The following PADI6 variants were observed in gnomAD, a reference collection of about 807,000 sequenced individuals.
PADI6 encodes inactive protein-arginine deiminase type-6.
Under a neutral mutation model 78.2 loss-of-function variants are expected in PADI6, and 66 were observed. The ratio of observed to expected loss-of-function variants is 0.84; its 90% CI spans 0.69 to 1.04. The LOEUF (loss-of-function observed/expected upper bound fraction) is 1.04, where lower values mean the gene tolerates loss of function less well. Among genes scored for constraint, PADI6 ranks in the 50% least tolerant of loss-of-function variants. The pLI, the probability that PADI6 is intolerant of heterozygous loss-of-function variation, is 0.00. For synonymous variants in PADI6, 397 were observed against 346.9 expected (o/e 1.14, Z -1.60); for missense variants, 854 against 866.1 (o/e 0.99, Z 0.18).
At position 17,375,756 on chromosome 1, in the gene PADI6, G is replaced by A. The variant is rs1275599627; in HGVS notation, c.367+257G>A. Among the ~76,000 whole-genome samples the A allele has an allele frequency of 1.1e-4, 16 of 152,192 alleles. No homozygotes were observed. In the East Asian group the frequency reaches 1.7e-3, roughly 17 times the overall value. On this transcript the variant is annotated intron_variant, in intron 3 of 15. Coordinates refer to ENST00000619609, the MANE Select transcript of PADI6 (RefSeq NM_207421.4). ...GAGAATAGAAACAGCCAGAACTTCC[G>A]TGTCGCTGCCATCTACCCACCTACG...
In PADI6 at chr1:17,372,196, GGGCGTCTGA is replaced by G. The variant is rs775296654; in HGVS notation, c.-46_-38del. 2 of 1,524,580 alleles carry G rather than the reference GGGCGTCTGA, an allele frequency of 1.3e-6. No homozygotes were observed. Among genetic ancestry groups the G allele is most frequent in the Non-Finnish European group, 9.1e-7 (1 of 1,099,088 alleles). 94.4% of individuals were successfully genotyped at this position (1,524,580 alleles called of 1,614,324 possible). On this transcript the variant is annotated 5_prime_UTR_variant, in exon 1 of 16. Coordinates refer to ENST00000619609, the MANE Select transcript of PADI6 (RefSeq NM_207421.4). Reference sequence around the variant, plus strand: ...ACAGGGAAGGGCAGGGTGAGCCCTGGGGCGTCTGAGGCTGCTGTGCTGAGTGAGGGCTGC... The same window carrying G: ...ACAGGGAAGGGCAGGGTGAGCCCTGGGGCTGCTGTGCTGAGTGAGGGCTGC...
chr1:17,384,413 G>C (rs1353135465), intron 6 of PADI6, among the ~76,000 whole-genome samples: 1 of 152,172 alleles, frequency 6.6e-6, no homozygotes, highest in African/African-American at 2.4e-5. Context: ...TGGCAACACA[G>C]TGAGACCTTG....
rs780710059 is a variant in PADI6 at position 17,388,412 on chromosome 1, G to A, written c.711G>A (p.Leu237=). The A allele has an allele frequency of 8.7e-6, 14 of 1,613,310 alleles. No homozygotes were observed. Among genetic ancestry groups the A allele is most frequent in the Admixed American group, 8.3e-5 (5 of 59,914 alleles). ...ACTCCAGTACCTTTGAGTTGGTGCT[G>A]GGGCCCGACCAGCACGCCTATACCT... The part of the protein sequence containing the change: ...KDNSSTFELV[L]GPDQHAYTLA... The change falls in exon 7 of 16, where the codon CTG becomes CTA. Residue 237 remains leucine, a synonymous_variant. Transcript: ENST00000619609.
intron 6 of PADI6, among the ~76,000 whole-genome samples, chr1:17,384,632 A>T (rs1171629290): frequency 1.3e-5 from 2 of 152,144 alleles, no homozygotes; most frequent in Non-Finnish European, 2.9e-5. Flanking sequence ...CTAGCTACTC[A>T]GGAGACTGAG....
At chr1:17,380,295 C>T (rs984037438) in intron 4 of PADI6, among the ~76,000 whole-genome samples, 3 of 152,106 alleles carry the variant, frequency 2.0e-5, no homozygotes, top group Non-Finnish European at 1.5e-5. Context: ...CTGTAATCTC[C>T]ACCTCCCAGG....
intron 3 of PADI6, among the ~76,000 whole-genome samples, chr1:17,376,834 A>G (rs2075023485): frequency 6.6e-6 from 1 of 152,062 alleles, no homozygotes; most frequent in Non-Finnish European, 1.5e-5. Context: ...CTACAACACT[A>G]AGTTTTTGGT....
chr1:17,378,440 T>A (rs2075039275), intron 3 of PADI6, among the ~76,000 whole-genome samples: 2 of 152,030 alleles, frequency 1.3e-5, no homozygotes, highest in Non-Finnish European at 2.9e-5. Flanking sequence ...GATATTCCAG[T>A]TGGGAATCAG....
At chr1:17,395,972 G>A (rs1332308986) in intron 13 of PADI6, among the ~76,000 whole-genome samples, 1 of 152,166 alleles carries the variant, frequency 6.6e-6, no homozygotes, top group Non-Finnish European at 1.5e-5. Flanking sequence ...TTTATTCAGG[G>A]CATGTTGGAT....
intron 6 of PADI6, among the ~76,000 whole-genome samples, chr1:17,383,346 C>A (rs957439082): frequency 1.3e-4 from 20 of 152,188 alleles, no homozygotes; most frequent in African/African-American, 4.3e-4. Flanking sequence ...ACGTGGCCAT[C>A]TTACACATGA....
At chr1:17,376,485 G>C (rs2075017930) in intron 3 of PADI6, among the ~76,000 whole-genome samples, 1 of 134,278 alleles carries the variant, frequency 7.4e-6, no homozygotes, top group Non-Finnish European at 1.5e-5. Context: ...TATTTTTAGT[G>C]GGCTAATTTT....
intron 2 of PADI6, 52 bp downstream of exon 2, chr1:17,373,285 C>G: frequency 6.3e-7 from 1 of 1,588,784 alleles, no homozygotes; most frequent in South Asian, 1.1e-5. Context: ...GGACCTAGCA[C>G]AGCCACTGGG....
intron 2 of PADI6, among the ~76,000 whole-genome samples, chr1:17,373,890 G>A (rs1027798650): frequency 4.6e-5 from 7 of 152,108 alleles, no homozygotes; most frequent in Admixed American, 1.3e-4. Context: ...TTGAGCTTGA[G>A]CCCAAGGGTG....
intron 12 of PADI6, 90 bp from the exon 13 acceptor site, chr1:17,395,450 T>A: frequency 6.8e-7 from 1 of 1,469,826 alleles, no homozygotes; most frequent in Non-Finnish European, 9.1e-7. Flanking sequence ...AGGATCTGCC[T>A]GCCTCGGCCT....
intron 8 of PADI6, among the ~76,000 whole-genome samples, chr1:17,389,701 G>A (rs371309016): frequency 6.6e-6 from 1 of 152,188 alleles, no homozygotes; most frequent in Non-Finnish European, 1.5e-5. Flanking sequence ...CAGAACCAGT[G>A]GGAAGCCAAG....
At chr1:17,397,498 G>A (rs1238813740) in intron 14 of PADI6, among the ~76,000 whole-genome samples, 4 of 152,124 alleles carry the variant, frequency 2.6e-5, no homozygotes, top group Non-Finnish European at 4.4e-5. Context: ...TGTCGGGACC[G>A]TTGACAGATA....
At chr1:17,381,016 T>C (rs1477935238) in intron 4 of PADI6, 31 bp from the exon 5 acceptor site, 7 of 1,530,724 alleles carry the variant, frequency 4.6e-6, no homozygotes, top group South Asian at 2.4e-5. Context: ...TTTGGCTCCT[T>C]CCTGAGCCAA....
At chr1:17,389,874 G>A (rs555030470) in intron 8 of PADI6, among the ~76,000 whole-genome samples, 3 of 152,310 alleles carry the variant, frequency 2.0e-5, no homozygotes, top group African/African-American at 7.2e-5. Flanking sequence ...GCTCCACACC[G>A]GCCGCCTCCA....
intron 8 of PADI6, among the ~76,000 whole-genome samples, chr1:17,390,438 A>G (rs2075170809): frequency 6.6e-6 from 1 of 152,128 alleles, no homozygotes; most frequent in Middle Eastern, 3.4e-3. Context: ...CGTCTCTACT[A>G]AAAATACAAA....
At chr1:17,390,602 C>CAAAAAAAAA (rs11410245) in intron 8 of PADI6, among the ~76,000 whole-genome samples, 1 of 135,038 alleles carries the variant, frequency 7.4e-6, no homozygotes, top group South Asian at 2.5e-4. Context: ...GATTCCATCT[C>CAAAAAAAAA]AAAAAAAAAA....
Sources: allele counts gnomAD v4.1 joint callset (sites outside exome capture counted in the v4.1 genomes callset), GRCh38; gene constraint gnomAD v4.1.1; transcripts MANE v1.5; gene names NCBI Gene and HGNC (gene_info 2026-07-23, HGNC 2026-07-21).